HNRNPUL1: variants seen among roughly 807,000 people sequenced by gnomAD.
HNRNPUL1 encodes the protein heterogeneous nuclear ribonucleoprotein U-like protein 1.
In HNRNPUL1, 14 loss-of-function variants were observed where a neutral mutation model predicts 108.5. The ratio of observed to expected loss-of-function variants is 0.13; its 90% CI spans 0.09 to 0.20. The LOEUF is 0.20. HNRNPUL1 is among the 10% of genes least tolerant of loss of function. The pLI is 1.00. For missense variants in HNRNPUL1, 804 were observed against 1,168.3 expected (o/e 0.69, Z 4.55); for synonymous variants, 422 against 445.2 (o/e 0.95, Z 0.66).
At chr19:41,272,260 C>T (rs767840371) in intron 3 of HNRNPUL1, 25 bp downstream of exon 3, 3 of 1,608,050 alleles carry the variant, frequency 1.9e-6, no homozygotes, top group South Asian at 1.1e-5. Context: ...CAGCAGTCAC[C>T]CTTGCTCTGG....
chr19:41,270,770 TGTTTTTA>T (rs1394360826), intron 2 of HNRNPUL1, among the ~76,000 whole-genome samples: 3 of 152,016 alleles, frequency 2.0e-5, no homozygotes, highest in Non-Finnish European at 4.4e-5. Context: ...ATTTTTTGTG[TGTTTTTA>T]GTAGATGTGG....
chr19:41,264,216 A>T (rs1363288321), upstream of HNRNPUL1: 3 of 322,424 alleles, frequency 9.3e-6, no homozygotes, highest in African/African-American at 6.4e-5. Context: ...CTTCCTCCCC[A>T]GTAGCTCCTA....
chr19:41,281,347 C>A, intron 7 of HNRNPUL1, 72 bp downstream of exon 7: 2 of 964,186 alleles, frequency 2.1e-6, no homozygotes, highest in Non-Finnish European at 3.3e-6. Flanking sequence ...CAGGATACCT[C>A]TATCCATTGT....
chr19:41,268,191 C>T (rs201692644), intron 1 of HNRNPUL1, 32 bp from the exon 2 acceptor site: 1 of 1,609,010 alleles, frequency 6.2e-7, no homozygotes, highest in African/African-American at 1.3e-5. Context: ...TGAACCGCCC[C>T]TCTAATTGGC....
intron 2 of HNRNPUL1, among the ~76,000 whole-genome samples, chr19:41,268,728 G>T (rs2035018574): frequency 6.6e-6 from 1 of 151,818 alleles, no homozygotes; most frequent in Non-Finnish European, 1.5e-5. Context: ...CATGGTGGCA[G>T]GCACCTGTAA....
intron 2 of HNRNPUL1, among the ~76,000 whole-genome samples, chr19:41,269,166 A>AGTGT: frequency 6.6e-6 from 1 of 151,830 alleles, no homozygotes; most frequent in African/African-American, 2.4e-5. Context: ...AAAAAAAGAA[A>AGTGT]GTGTGTGTCA....
rs1024535246 is a variant in HNRNPUL1, at chr19:41,292,906, G to A, written c.1266+395G>A. Reference sequence around the variant, plus strand: ...GTCACCCAGGCTGGAGTGCAGTGGTGCGATCACGGCTTACTGCAGCCTTGA... The same window carrying A: ...GTCACCCAGGCTGGAGTGCAGTGGTACGATCACGGCTTACTGCAGCCTTGA... On this transcript the variant is annotated intron_variant, in intron 8 of 14. Transcript: ENST00000392006. This position sits in a 1 kb window ranked among gnomAD's most constrained non-coding sequence, Gnocchi z 4.1. Among the ~76,000 whole-genome samples the A allele has an allele frequency of 6.6e-6, 1 of 152,086 alleles. No homozygotes were observed. Among genetic ancestry groups the A allele is most frequent in the South Asian group, 2.1e-4 (1 of 4,804 alleles).
chr19:41,278,970 A>C, intron 5 of HNRNPUL1, 107 bp from the exon 6 acceptor site: 1 of 804,304 alleles, frequency 1.2e-6, no homozygotes. Context: ...TCCAGCAAGA[A>C]AAGCCATTGC....
Position 41,302,848 on chromosome 19 carries a change from G to T in HNRNPUL1, c.1871G>T (p.Gly624Val). 1 of 1,588,358 alleles carries T rather than the reference G, an allele frequency of 6.3e-7. No homozygotes were observed. The highest frequency in any genetic ancestry group is 8.6e-7 in the Non-Finnish European group (1 of 1,165,432). The change falls in exon 12 of 15, where the codon GGT becomes GTT. Residue 624 changes from glycine (G) to valine (V), a missense_variant. Transcript: ENST00000392006. ...GGCTTCCGGGGCCGCGGGGGTGGTG[G>T]TGGCTTCCAGCGCTATGAAAACCGA... ...GGGFRGRGGG[G>V]GFQRYENRGP... is the part of the protein sequence containing the mutation.
chr19:41,264,394 G>A lies in HNRNPUL1; in HGVS notation c.-110G>A. 1.0e-6 allele frequency: 1 copy of A among 959,352 alleles called. No individual in the cohort carries two copies. Among genetic ancestry groups the A allele is most frequent in the Non-Finnish European group, 1.4e-6 (1 of 726,368 alleles). The allele number at this position is 959,352 out of a possible 1,614,324, so 59.4% of individuals were successfully genotyped here. A position where few individuals can be genotyped will look rare whatever the true frequency, so the allele number is the denominator to read the frequency against. On this transcript the variant is annotated 5_prime_UTR_variant, in exon 1 of 15. Coordinates refer to ENST00000392006, the MANE Select transcript of HNRNPUL1 (RefSeq NM_007040.6). ...GCCATTTTGAGCCGCTGCCGCCATT[G>A]GAGTGGGCCCCCCCCCTTTCCCCCT... is the stretch of plus-strand genomic sequence containing the variant.
chr19:41,265,357 T>TGGGGGGGGGGGG, intron 1 of HNRNPUL1: 1 of 443,282 alleles, frequency 2.3e-6, no homozygotes, highest in Non-Finnish European at 3.5e-6. Context: ...CGGGGGTGGG[T>TGGGGGGGGGGGG]GGGAGAGGTG....
chr19:41,286,133 T>G (rs2036210407), intron 7 of HNRNPUL1, among the ~76,000 whole-genome samples: 1 of 151,406 alleles, frequency 6.6e-6, no homozygotes, highest in African/African-American at 2.4e-5. Context: ...AATTAACACA[T>G]AGGCTAGTGT....
chr19:41,274,091 C>A (rs1017367046), intron 4 of HNRNPUL1, 36 bp downstream of exon 4: 1 of 1,550,138 alleles, frequency 6.5e-7, no homozygotes, highest in Non-Finnish European at 8.9e-7. Flanking sequence ...TTCTGCCTTA[C>A]AGTCAGTATG....
At chr19:41,295,957 C>G (rs544748467) in intron 10 of HNRNPUL1, among the ~76,000 whole-genome samples, 76 of 152,318 alleles carry the variant, frequency 5.0e-4, no homozygotes, top group African/African-American at 1.7e-3. Flanking sequence ...GAAGATTTGT[C>G]TTTTAAACCC....
intron 7 of HNRNPUL1, chr19:41,286,707 CTTTTTTTTTTTTTTTT>C (rs60441728): frequency 6.7e-5 from 5 of 74,138 alleles, no homozygotes; most frequent in Non-Finnish European, 1.2e-4. Context: ...GGTGTGTACT[CTTTTTTTTTTTTTTTT>C]TTTTTTTTTT....
At position 41,268,282 on chromosome 19, in the gene HNRNPUL1, G is replaced by A. The variant is rs758802758; in HGVS notation, c.355G>A (p.Glu119Lys). 6.2e-7 allele frequency: 1 copy of A among 1,613,986 alleles called. No homozygotes were observed. The highest frequency in any genetic ancestry group is 1.7e-5 in the Admixed American group (1 of 59,988). ...CTACGATACCCAAGTCATCAAACAA[G>A]AAAACGAGTCAGGCTACGAGAGGAG... The part of the protein sequence containing the change: ...QFYDTQVIKQ[E>K]NESGYERRPL... The change falls in exon 2 of 15, where the codon GAA becomes AAA. Residue 119 changes from glutamate to lysine, a missense_variant. Coordinates refer to ENST00000392006, the MANE Select transcript of HNRNPUL1 (RefSeq NM_007040.6).
chr19:41,300,742 C>T (rs7258749), intron 10 of HNRNPUL1, among the ~76,000 whole-genome samples: 31,200 of 152,154 alleles, frequency 0.21, 3,586 homozygotes, highest in East Asian at 0.34. Flanking sequence ...CAGCACCAGC[C>T]CAGGACACAC....
At chr19:41,295,931 G>A (rs2036866946) in intron 10 of HNRNPUL1, among the ~76,000 whole-genome samples, 1 of 152,336 alleles carries the variant, frequency 6.6e-6, no homozygotes, top group South Asian at 2.1e-4. Flanking sequence ...TGTACAATCA[G>A]TGTTCTCTCC....
upstream of HNRNPUL1, among the ~76,000 whole-genome samples, chr19:41,264,011 G>C (rs1478604366): frequency 2.6e-5 from 4 of 152,220 alleles, no homozygotes; most frequent in African/African-American, 7.2e-5. Context: ...CACTTAGTTT[G>C]ATGAAAGGAC....
Sources: gnomAD v4.1 joint callset for allele counts (sites outside exome capture counted in the v4.1 genomes callset) on GRCh38, gnomAD v4.1.1 for gene constraint, Gnocchi (gnomAD v3.1) non-coding constraint, MANE v1.5 for transcripts, NCBI Gene and HGNC (gene_info 2026-07-23, HGNC 2026-07-21) for gene names.